Variants in SCN7A observed in about 807,000 individuals in gnomAD.
SCN7A encodes sodium channel protein type 7 subunit alpha.
Under a neutral mutation model 155.2 loss-of-function variants are expected in SCN7A, and 138 were observed. The ratio of observed to expected loss-of-function variants is 0.89; its 90% confidence interval spans 0.77 to 1.02. The LOEUF (loss-of-function observed/expected upper bound fraction) is 1.02. Ranked by LOEUF, SCN7A falls within the 50% of genes least tolerant of loss-of-function variation. The pLI, the probability that SCN7A is intolerant of heterozygous loss-of-function variation, is 0.00. For missense variants in SCN7A, 2,058 were observed against 1,986.6 expected (o/e 1.04, Z -0.68); for synonymous variants, 693 against 649.0 (o/e 1.07, Z -1.03).
intron 14 of SCN7A, among the ~76,000 whole-genome samples, chr2:166,443,203 C>A (rs1370068845): frequency 6.6e-6 from 1 of 152,098 alleles, no homozygotes. Context: ...TAGAATTCTA[C>A]TTTGGAGACT....
intron 1 of SCN7A, among the ~76,000 whole-genome samples, chr2:166,488,875 T>A (rs1490473043): frequency 6.6e-6 from 1 of 152,036 alleles, no homozygotes; most frequent in Admixed American, 6.6e-5. Context: ...TGACCTCAGG[T>A]GATCTGCCCA....
At chr2:166,446,866 C>T (rs1446279083) in intron 12 of SCN7A, among the ~76,000 whole-genome samples, 3 of 151,996 alleles carry the variant, frequency 2.0e-5, no homozygotes, top group Non-Finnish European at 4.4e-5. Context: ...CACGCAGGGA[C>T]CTGTCGGTGG....
chr2:166,438,991 A>T (rs1458287830), intron 15 of SCN7A, among the ~76,000 whole-genome samples: 1 of 137,464 alleles, frequency 7.3e-6, no homozygotes. Context: ...ATATATATTT[A>T]TATGTTATAT....
intron 2 of SCN7A, among the ~76,000 whole-genome samples, chr2:166,483,202 G>GA (rs1425205210): frequency 1.3e-5 from 2 of 151,674 alleles, no homozygotes; most frequent in Non-Finnish European, 2.9e-5. Flanking sequence ...AATTTTTATA[G>GA]AAAAAAAATT....
intron 6 of SCN7A, among the ~76,000 whole-genome samples, chr2:166,471,918 C>T (rs946819648): frequency 2.0e-5 from 3 of 151,888 alleles, no homozygotes; most frequent in Non-Finnish European, 4.4e-5. Flanking sequence ...CAATCTTTAT[C>T]GTTCTTGCTC....
chr2:166,476,768 C>T (rs1177525188), intron 3 of SCN7A, among the ~76,000 whole-genome samples: 1 of 151,998 alleles, frequency 6.6e-6, no homozygotes, highest in Non-Finnish European at 1.5e-5. Context: ...TTTCTCTTTT[C>T]CTCCTTCCAG....
rs765043857 is a variant in SCN7A at position 166,405,740 on chromosome 2, G to A, written c.4889C>T (p.Thr1630Ile). Residue 1630 changes from threonine to isoleucine, a missense_variant, in exon 26 of 26, where the codon ACC (threonine) becomes ATC (isoleucine). Coordinates refer to ENST00000643258, the MANE Select transcript of SCN7A (RefSeq NM_002976.4). ...ATTTTTATAAGCACGTTGAATGATG[G>A]TTGCTGAAACTGCCTCTTGTTTTCG... Reference protein sequence around the residue: ...LKRKQEAVSATIIQRAYKNYR... With the variant: ...LKRKQEAVSAIIIQRAYKNYR... The A allele has an allele frequency of 1.9e-6, 3 of 1,613,010 alleles. No homozygotes were observed. Among genetic ancestry groups the A allele is most frequent in the Admixed American group, 1.7e-5 (1 of 59,880 alleles).
intron 15 of SCN7A, among the ~76,000 whole-genome samples, chr2:166,436,822 G>C (rs776667580): frequency 4.1e-4 from 62 of 152,280 alleles, no homozygotes; most frequent in Non-Finnish European, 6.6e-4. Flanking sequence ...TTAGCAAAGA[G>C]ACTGGTGGCT....
intron 25 of SCN7A, among the ~76,000 whole-genome samples, chr2:166,409,323 A>G (rs1374309607): frequency 6.6e-6 from 1 of 152,022 alleles, no homozygotes; most frequent in South Asian, 2.1e-4. Context: ...GAAAGATTAC[A>G]TCATTCTAAG....
chr2:166,408,164 C>T (rs1701117760), intron 25 of SCN7A, among the ~76,000 whole-genome samples: 1 of 151,942 alleles, frequency 6.6e-6, no homozygotes, highest in South Asian at 2.1e-4. Context: ...ACTTTTCCTT[C>T]CTATTATTTT....
chr2:166,475,078 G>A (rs1702752030), intron 3 of SCN7A, among the ~76,000 whole-genome samples: 1 of 91,244 alleles, frequency 1.1e-5, no homozygotes, highest in African/African-American at 3.9e-5. Flanking sequence ...TTTTATATTT[G>A]TGTATATATA....
intron 9 of SCN7A, among the ~76,000 whole-genome samples, chr2:166,465,111 A>G (rs188203177): frequency 6.6e-6 from 1 of 152,280 alleles, no homozygotes; most frequent in African/African-American, 2.4e-5. Context: ...CTCAGAGAAA[A>G]GGCCTGAGAG....
chr2:166,428,177 A>G (rs1045994901), intron 17 of SCN7A, among the ~76,000 whole-genome samples: 1 of 152,050 alleles, frequency 6.6e-6, no homozygotes. Context: ...GGCATTGTGA[A>G]AGGCAGAAAT....
Position 166,441,325 on chromosome 2 carries a change from T to C in SCN7A, c.2157+71A>G. ...GTTACAGACCATTAGATCCCATCAA[T>C]GCACATCATGAAAATACCAAACTAC... On this transcript the variant is annotated intron_variant, in intron 15 of 25. Transcript: ENST00000643258. 2 of 1,061,898 alleles carry C rather than the reference T, an allele frequency of 1.9e-6. 1 individual carries two copies. Among genetic ancestry groups the C allele is most frequent in the South Asian group, 3.3e-5 (2 of 60,980 alleles). The allele number at this position is 1,061,898 out of a possible 1,614,324, so 65.8% of individuals were successfully genotyped here. A position where few individuals can be genotyped will look rare whatever the true frequency, so the allele number is the denominator to read the frequency against.
Position 166,404,824 on chromosome 2 carries a change from G to GAAAAAAAAAAAAAAAAAAAA in SCN7A, c.*736_*755dup, listed in dbSNP as rs35675449. 1.6e-5 allele frequency: 1 copy of GAAAAAAAAAAAAAAAAAAAA among 62,770 alleles called. No individual in the cohort carries two copies. Among genetic ancestry groups the GAAAAAAAAAAAAAAAAAAAA allele is most frequent in the Non-Finnish European group, 3.3e-5 (1 of 30,260 alleles). 3.9% of individuals were successfully genotyped at this position (62,770 alleles called of 1,614,324 possible). ...AAATAGGTGTAAATGAGAAGAAAAT[G>GAAAAAAAAAAAAAAAAAAAA]AAAAAAAAAAAAAAAAAAAAGGCTA... On this transcript the variant is annotated 3_prime_UTR_variant, in exon 26 of 26. Transcript: ENST00000643258.
chr2:166,421,860 G>T lies in SCN7A; in HGVS notation c.3028-563C>A, dbSNP rs543695320. ...ATCTTTAAAAGTAAATATATTAAAG[G>T]TTAATAAATGTTCATAAATACTAAG... is the stretch of plus-strand genomic sequence containing the variant. On this transcript the variant is annotated intron_variant, in intron 19 of 25. Coordinates refer to ENST00000643258, the MANE Select transcript of SCN7A (RefSeq NM_002976.4). Among the ~76,000 whole-genome samples, 11 of 152,008 alleles carry T rather than the reference G, an allele frequency of 7.2e-5. No homozygotes were observed. The South Asian group carries it at 2.3e-3, about 32-fold the overall frequency.
chr2:166,427,835 A>G lies in SCN7A; in HGVS notation c.2806T>C (p.Phe936Leu), dbSNP rs766397336. 1 of 1,612,018 alleles carries G rather than the reference A, an allele frequency of 6.2e-7. No individual in the cohort carries two copies. Among genetic ancestry groups the G allele is most frequent in the Non-Finnish European group, 8.5e-7 (1 of 1,178,978 alleles). ...TCCKIVENNW[F>L]KCFIGLVTLL... ...GTAACAAGCCCAATAAAACACTTAA[A>G]CCAATTGTTCTCTACAATCTTGCAG... The change falls in exon 18 of 26, where the codon TTT (phenylalanine) becomes CTT (leucine). Residue 936 changes from phenylalanine to leucine, a missense_variant. Physicochemically the swap from Phe to Leu is conservative, Grantham distance 22. Coordinates refer to ENST00000643258, the MANE Select transcript of SCN7A (RefSeq NM_002976.4).
At chr2:166,427,625 G>A (rs1701650923) in intron 18 of SCN7A, among the ~76,000 whole-genome samples, 163 bp downstream of exon 18, 1 of 151,854 alleles carries the variant, frequency 6.6e-6, no homozygotes, top group Admixed American at 6.6e-5. Flanking sequence ...TTCTAAGAAA[G>A]TATATTATTT....
intron 5 of SCN7A, among the ~76,000 whole-genome samples, 154 bp downstream of exon 5, chr2:166,473,645 G>A (rs951566330): frequency 2.0e-5 from 3 of 150,474 alleles, no homozygotes; most frequent in African/African-American, 7.3e-5. Context: ...TAGATGTGAA[G>A]CACTGAAATA....
Sources: allele counts gnomAD v4.1 joint callset (sites outside exome capture counted in the v4.1 genomes callset), GRCh38; gene constraint gnomAD v4.1.1; transcripts MANE v1.5; gene names NCBI Gene and HGNC (gene_info 2026-07-23, HGNC 2026-07-21).